SMARCA4: variants seen among roughly 807,000 people sequenced by gnomAD.
SMARCA4 encodes SWI/SNF-related matrix-associated actin-dependent regulator of chromatin subfamily A member 4.
In SMARCA4, 31 loss-of-function variants were observed where a neutral mutation model predicts 193.9. The observed-to-expected ratio is 0.16, with a 90% CI of 0.12 to 0.22. SMARCA4 has a LOEUF of 0.22. Among genes scored for constraint, SMARCA4 ranks in the 10% least tolerant of loss-of-function variants. The pLI, the probability that SMARCA4 is intolerant of heterozygous loss-of-function variation, is 1.00. For missense variants in SMARCA4, 1,148 were observed against 2,296.0 expected, an observed-to-expected ratio of 0.50 and a Z score of 10.22; for synonymous variants, 942 against 933.1, an observed-to-expected ratio of 1.01 and a Z score of -0.17.
At chr19:11,037,292 CCT>C (rs1157476574) in intron 29 of SMARCA4, among the ~76,000 whole-genome samples, 1 of 152,196 alleles carries the variant, frequency 6.6e-6, no homozygotes, top group Admixed American at 6.5e-5. Context: ...TATGAGAATT[CCT>C]CTTTCTCTAC....
intron 34 of SMARCA4, chr19:11,060,580 A>G (rs1390055422): frequency 6.2e-6 from 2 of 323,414 alleles, no homozygotes; most frequent in South Asian, 7.0e-5. Flanking sequence ...CCTCAGTGGC[A>G]TAGAGAATGG....
intron 30 of SMARCA4, among the ~76,000 whole-genome samples, chr19:11,042,492 C>T (rs916568187): frequency 3.3e-5 from 5 of 152,198 alleles, no homozygotes; most frequent in Admixed American, 6.5e-5. Flanking sequence ...CTGGCCAGTA[C>T]GGCTGTCCCC....
At chr19:10,998,282 A>G (rs1041720738) in intron 11 of SMARCA4, among the ~76,000 whole-genome samples, 3 of 152,182 alleles carry the variant, frequency 2.0e-5, no homozygotes, top group African/African-American at 7.2e-5. Context: ...GGCAGACCCA[A>G]CATGGCCCTG....
At chr19:11,007,879 G>C (rs376984392) in intron 13 of SMARCA4, 23 bp from the exon 14 acceptor site, 11 of 1,612,944 alleles carry the variant, frequency 6.8e-6, no homozygotes, top group Non-Finnish European at 8.5e-6. Flanking sequence ...GAACTGAGGT[G>C]ACATGGGCTT....
In SMARCA4 at chr19:11,058,712, C is replaced by G; in HGVS notation, c.4534-76C>G. ...CACGAGGAATCCTAGCCCGTGGGGT[C>G]TCCAGCACACAGCCAGGCCTGCGGG... On this transcript the variant is annotated intron_variant, in intron 31 of 34. Transcript: ENST00000344626. The surrounding 1 kb of genome is among the most constrained non-coding windows in gnomAD (Gnocchi z 5.8). 1 of 1,276,906 alleles carries G rather than the reference C, an allele frequency of 7.8e-7. No individual in the cohort carries two copies. The highest frequency in any genetic ancestry group is 1.1e-6 in the Non-Finnish European group (1 of 876,160). The allele number at this position is 1,276,906 out of a possible 1,614,324, so 79.1% of individuals were successfully genotyped here. A position where few individuals can be genotyped will look rare whatever the true frequency, so the allele number is the denominator to read the frequency against.
chr19:11,037,729 CTTTTCTCCTAGGAGGG>C (rs915873692), intron 29 of SMARCA4, among the ~76,000 whole-genome samples: 1 of 152,024 alleles, frequency 6.6e-6, no homozygotes, highest in Non-Finnish European at 1.5e-5. Flanking sequence ...TTGCCCCTGT[CTTTTCTCCTAGGAGGG>C]TTATAATTTG....
intron 6 of SMARCA4, 143 bp downstream of exon 6, chr19:10,988,067 T>G: frequency 1.3e-6 from 1 of 756,042 alleles, no homozygotes; most frequent in East Asian, 2.7e-5. Flanking sequence ...CTTCCTCACC[T>G]CCCTGCTCCC....
intron 23 of SMARCA4, 137 bp from the exon 24 acceptor site, chr19:11,027,647 T>C: frequency 1.1e-6 from 1 of 904,258 alleles, no homozygotes; most frequent in South Asian, 1.4e-5. Flanking sequence ...GTGGGTGACG[T>C]CTGCTTAGGA....
At position 11,019,821 on chromosome 19, in the gene SMARCA4, G is replaced by A; in HGVS notation, c.2616+120G>A. The A allele has an allele frequency of 1.3e-6, 1 of 744,514 alleles. No homozygotes were observed. Among genetic ancestry groups the A allele is most frequent in the South Asian group, 1.5e-5 (1 of 67,192 alleles). 46.1% of individuals were successfully genotyped at this position (744,514 alleles called of 1,614,324 possible). A position where few individuals can be genotyped will look rare whatever the true frequency, so the allele number is the denominator to read the frequency against. ...CCCGGAGTCCCACCTGCATGTGCGT[G>A]AAGACAGCTGCCCTGTGTAGGGGAA... On this transcript the variant is annotated intron_variant, in intron 18 of 34. Transcript: ENST00000344626. This position sits in a 1 kb window ranked among gnomAD's most constrained non-coding sequence, Gnocchi z 6.1.
chr19:11,054,436 C>T lies in SMARCA4; in HGVS notation c.4425-3819C>T, dbSNP rs961608374. Among the ~76,000 whole-genome samples the T allele has an allele frequency of 3.9e-5, 6 of 152,344 alleles. No individual in the cohort carries two copies. In the South Asian group the frequency reaches 1.2e-3, roughly 32 times the overall value. Reference sequence around the variant, plus strand: ...ATCATCAACTTGAAGAAGCAGCCAACCTCGGCCCAGGATCATCCCTGGGGG... The same window carrying T: ...ATCATCAACTTGAAGAAGCAGCCAATCTCGGCCCAGGATCATCCCTGGGGG... On this transcript the variant is annotated intron_variant, in intron 30 of 34. Coordinates refer to ENST00000344626, the MANE Select transcript of SMARCA4 (RefSeq NM_003072.5).
At chr19:11,048,897 G>A (rs1225489396) in intron 30 of SMARCA4, among the ~76,000 whole-genome samples, 5 of 152,212 alleles carry the variant, frequency 3.3e-5, no homozygotes, top group Admixed American at 1.3e-4. Flanking sequence ...CAGATTCACA[G>A]CCATGAGGCC....
Position 11,039,544 on chromosome 19 carries a change from T to C in SMARCA4, c.4171-1763T>C. The C allele has an allele frequency of 1.3e-6, 2 of 1,597,344 alleles. No homozygotes were observed. The highest frequency in any genetic ancestry group is 1.7e-6 in the Non-Finnish European group (2 of 1,172,840). ...AGCGTGGCCTTCAGTTCTGCACACG[T>C]GCGTCAAAGGTGGGGAGAGTTCTGG... On this transcript the variant is annotated intron_variant, in intron 29 of 34. Transcript: ENST00000344626.
intron 8 of SMARCA4, among the ~76,000 whole-genome samples, chr19:10,993,351 A>G (rs112732664): frequency 2.4e-4 from 36 of 152,306 alleles, no homozygotes; most frequent in South Asian, 1.9e-3. Flanking sequence ...TTCCATTTCT[A>G]TGTGTCCAGG....
chr19:11,050,067 C>G lies in SMARCA4; in HGVS notation c.4425-8188C>G, dbSNP rs1020446580. 2.0e-5 allele frequency among the ~76,000 whole-genome samples: 3 copies of G among 152,222 alleles called. No individual in the cohort carries two copies. The East Asian group carries it at 5.8e-4, about 29-fold the overall frequency. On this transcript the variant is annotated intron_variant, in intron 30 of 34. Transcript: ENST00000344626. ...TGAGCCAAGATTGCACCACTGCACT[C>G]CAGCCTGGGTGACAGTGAGACTACG...
In SMARCA4 at chr19:11,061,817, G is replaced by GCC. The variant is rs2076919180; in HGVS notation, c.*4_*5dup. 6.2e-7 allele frequency: 1 copy of GCC among 1,614,008 alleles called. No individual in the cohort carries two copies. The highest frequency in any genetic ancestry group is 1.7e-5 in the Admixed American group (1 of 60,018). On this transcript the variant is annotated 3_prime_UTR_variant, in exon 35 of 35. Coordinates refer to ENST00000344626, the MANE Select transcript of SMARCA4 (RefSeq NM_003072.5). ...AGGAAGTGGCAGCGAAGAAGACTGA[G>GCC]CCCCGACATTCCAGTCTCGACCCCG...
intron 11 of SMARCA4, 126 bp downstream of exon 11, chr19:10,996,670 G>C: frequency 1.0e-6 from 1 of 959,422 alleles, no homozygotes; most frequent in South Asian, 1.3e-5. Context: ...GAGAATCCCA[G>C]GGTGTCCTCT....
intron 13 of SMARCA4, among the ~76,000 whole-genome samples, chr19:11,004,837 T>C (rs1318424564): frequency 6.7e-6 from 1 of 149,398 alleles, no homozygotes; most frequent in East Asian, 2.0e-4. Context: ...TTTTTATTTT[T>C]ATAGTGCCTT....
rs571251860 is a variant in SMARCA4, at chr19:11,059,897, G to A, written c.4768+12G>A. ...CTCCGAATCCGAATGTGAGTCCCGG[G>A]GGGGTTCAGGACGCCGGGGTTCACG... On this transcript the variant is annotated intron_variant, in intron 33 of 34. Transcript: ENST00000344626. 2 of 1,613,808 alleles carry A rather than the reference G, an allele frequency of 1.2e-6. No homozygotes were observed. Among genetic ancestry groups the A allele is most frequent in the Non-Finnish European group, 1.7e-6 (2 of 1,179,996 alleles).
At chr19:11,018,457 C>A in intron 16 of SMARCA4, 1 of 282,482 alleles carries the variant, frequency 3.5e-6, no homozygotes, top group Non-Finnish European at 7.0e-6. Context: ...CCGCCTGCCA[C>A]CTGAGCCAGG....
Sources: gnomAD v4.1 joint callset for allele counts (sites outside exome capture counted in the v4.1 genomes callset) on GRCh38, gnomAD v4.1.1 for gene constraint, Gnocchi (gnomAD v3.1) non-coding constraint, MANE v1.5 for transcripts, NCBI Gene and HGNC (gene_info 2026-07-23, HGNC 2026-07-21) for gene names.